AOAH: variants seen among roughly 807,000 people sequenced by gnomAD.
AOAH encodes the protein acyloxyacyl hydrolase (neutrophil).
AOAH carries 64 observed loss-of-function variants against 92.2 expected under a neutral mutation model. The ratio of observed to expected loss-of-function variants is 0.69; its 90% CI spans 0.57 to 0.86. AOAH has a LOEUF of 0.86. Among genes scored for constraint, AOAH ranks in the 40% least tolerant of loss-of-function variants. AOAH has a pLI of 0.00. For synonymous variants in AOAH, 263 were observed against 254.5 expected, an observed-to-expected ratio of 1.03 and a Z score of -0.32; for missense variants, 656 against 694.6, an observed-to-expected ratio of 0.94 and a Z score of 0.62.
chr7:36,678,608 C>CGT (rs1554314450), intron 2 of AOAH, among the ~76,000 whole-genome samples: 31,343 of 118,432 alleles, frequency 0.26, 3,997 homozygotes, highest in African/African-American at 0.37. Flanking sequence ...TGTGCGCGCG[C>CGT]GCGCGCGTTA....
intron 3 of AOAH, among the ~76,000 whole-genome samples, chr7:36,667,860 T>G (rs1350724726): frequency 6.6e-6 from 1 of 152,244 alleles, no homozygotes; most frequent in African/African-American, 2.4e-5. Context: ...TGTTTCAAAT[T>G]AACATGGCTG....
intron 1 of AOAH, among the ~76,000 whole-genome samples, chr7:36,713,273 G>A (rs545907307): frequency 2.6e-3 from 395 of 151,490 alleles, no homozygotes; most frequent in African/African-American, 9.1e-3. Flanking sequence ...AACAAGAAGA[G>A]CTAACTATCC....
At position 36,513,066 on chromosome 7, in the gene AOAH, G is replaced by A. The variant is rs766003314; in HGVS notation, c.*186C>T. 5.8e-5 allele frequency: 90 copies of A among 1,551,948 alleles called. No individual in the cohort carries two copies. The South Asian group carries it at 6.5e-4, about 11-fold the overall frequency. ...GAACAGCGGAAGGGTTACTGATCCC[G>A]GGAGCACACAGCATTGCACAGTCGT... is the stretch of plus-strand genomic sequence containing the variant. On this transcript the variant is annotated 3_prime_UTR_variant, in exon 21 of 21. Transcript: ENST00000617537.
intron 14 of AOAH, 46 bp downstream of exon 14, chr7:36,549,393 C>A: frequency 6.9e-7 from 1 of 1,439,610 alleles, no homozygotes; most frequent in Non-Finnish European, 9.7e-7. Flanking sequence ...ATTCCTTATT[C>A]AAAATGAGAA....
At chr7:36,605,989 G>A (rs1030790087) in intron 11 of AOAH, among the ~76,000 whole-genome samples, 5 of 152,214 alleles carry the variant, frequency 3.3e-5, no homozygotes, top group Non-Finnish European at 7.3e-5. Flanking sequence ...CCGCTAGCCT[G>A]CAAGATGGCT....
chr7:36,548,132 T>C (rs2116300777), intron 15 of AOAH, among the ~76,000 whole-genome samples: 2 of 152,330 alleles, frequency 1.3e-5, no homozygotes, highest in East Asian at 3.9e-4. Context: ...GAGCAGATAT[T>C]TTCAAAAGAG....
intron 13 of AOAH, among the ~76,000 whole-genome samples, chr7:36,570,920 G>C (rs1005308820): frequency 6.6e-6 from 1 of 152,164 alleles, no homozygotes; most frequent in Non-Finnish European, 1.5e-5. Context: ...CGAAGCAGAG[G>C]CTGAGCTAAT....
chr7:36,605,714 C>T (rs1471399836), intron 11 of AOAH, among the ~76,000 whole-genome samples: 1 of 152,212 alleles, frequency 6.6e-6, no homozygotes, highest in South Asian at 2.1e-4. Flanking sequence ...CCTGGGAGTG[C>T]ACCCTACATG....
At chr7:36,514,575 G>A (rs1377221255) in intron 20 of AOAH, 4 of 1,535,668 alleles carry the variant, frequency 2.6e-6, no homozygotes, top group East Asian at 4.9e-5. Context: ...ATGCCTTTGA[G>A]GAGGATGCTC....
chr7:36,619,721 G>A lies in AOAH; in HGVS notation c.702+1060C>T, dbSNP rs540715602. Among the ~76,000 whole-genome samples the A allele has an allele frequency of 3.3e-5, 5 of 152,236 alleles. No homozygotes were observed. The East Asian group carries it at 9.6e-4, about 29-fold the overall frequency. On this transcript the variant is annotated intron_variant, in intron 9 of 20. Transcript: ENST00000617537. The stretch of plus-strand genomic sequence containing the variant: ...GGAAAGCATGCAGTAGGTGACTGTT[G>A]GTGCAAGCCTGGACTATGAGTGTCC...
chr7:36,600,388 C>T (rs571498697), intron 11 of AOAH, among the ~76,000 whole-genome samples: 2 of 152,036 alleles, frequency 1.3e-5, no homozygotes, highest in Non-Finnish European at 2.9e-5. Context: ...ATGATGAGCA[C>T]CTTCCCTTGT....
chr7:36,700,402 T>C (rs533877990), intron 1 of AOAH, among the ~76,000 whole-genome samples: 5 of 152,206 alleles, frequency 3.3e-5, no homozygotes, highest in African/African-American at 1.2e-4. Context: ...AGCTCCTGCT[T>C]ATATGTGAGA....
intron 2 of AOAH, among the ~76,000 whole-genome samples, chr7:36,681,230 T>G (rs1021622621): frequency 6.6e-6 from 1 of 152,214 alleles, no homozygotes; most frequent in Non-Finnish European, 1.5e-5. Flanking sequence ...CTTCTTCTTC[T>G]GTAACTCGGA....
At chr7:36,595,475 G>A (rs901308724) in intron 11 of AOAH, among the ~76,000 whole-genome samples, 1 of 152,196 alleles carries the variant, frequency 6.6e-6, no homozygotes, top group African/African-American at 2.4e-5. Flanking sequence ...CAAGGCTGCA[G>A]TGAGCCATGA....
At chr7:36,612,892 G>A in intron 11 of AOAH, among the ~76,000 whole-genome samples, 1 of 152,058 alleles carries the variant, frequency 6.6e-6, no homozygotes, top group East Asian at 1.9e-4. Flanking sequence ...TTGCTACGTA[G>A]AAACTCTGTT....
At chr7:36,554,532 T>C (rs1302858839) in intron 13 of AOAH, among the ~76,000 whole-genome samples, 2 of 152,246 alleles carry the variant, frequency 1.3e-5, no homozygotes. Context: ...AAGTCATTGG[T>C]AGCTTGATGG....
chr7:36,582,211 G>C (rs1788978158), intron 12 of AOAH, among the ~76,000 whole-genome samples: 1 of 152,150 alleles, frequency 6.6e-6, no homozygotes, highest in African/African-American at 2.4e-5. Context: ...TTTCTGCTCT[G>C]TTGTATATAT....
chr7:36,549,032 T>G (rs924195969), intron 14 of AOAH, among the ~76,000 whole-genome samples: 6 of 152,212 alleles, frequency 3.9e-5, no homozygotes, highest in African/African-American at 1.2e-4. Flanking sequence ...TATGTCCATG[T>G]TCTTAGGATA....
intron 11 of AOAH, among the ~76,000 whole-genome samples, chr7:36,595,263 G>A (rs949044756): frequency 2.0e-5 from 3 of 152,238 alleles, no homozygotes; most frequent in Non-Finnish European, 2.9e-5. Flanking sequence ...GCCAGGTGCT[G>A]TGGCTTGTGC....
Sources: gnomAD v4.1 joint callset for allele counts (sites outside exome capture counted in the v4.1 genomes callset) on GRCh38, gnomAD v4.1.1 for gene constraint, MANE v1.5 for transcripts, NCBI Gene and HGNC (gene_info 2026-07-23, HGNC 2026-07-21) for gene names.